The following UTP4 variants were observed in gnomAD, a reference collection of about 807,000 sequenced individuals.
UTP4 encodes the protein UTP4 small subunit processome component, also known as U3 small nucleolar RNA-associated protein 4 homolog.
In UTP4, 45 loss-of-function variants were observed where a neutral mutation model predicts 82.4. The observed-to-expected ratio is 0.55, with a 90% CI of 0.43 to 0.70. The LOEUF (loss-of-function observed/expected upper bound fraction) is 0.70, where lower values mean the gene tolerates loss of function less well. Ranked by LOEUF, UTP4 falls within the 30% of genes least tolerant of loss-of-function variation. UTP4 has a pLI of 0.00. For synonymous variants in UTP4, 348 were observed against 300.3 expected, an observed-to-expected ratio of 1.16 and a Z score of -1.64; for missense variants, 819 against 858.3, an observed-to-expected ratio of 0.95 and a Z score of 0.57.
At chr16:69,165,305 C>G (rs768674777) in intron 14 of UTP4, 36 bp from the exon 15 acceptor site, 5 of 1,594,248 alleles carry the variant, frequency 3.1e-6, no homozygotes, top group Non-Finnish European at 4.3e-6. Flanking sequence ...TTTCTGAGTA[C>G]CAGCCTGCAT....
chr16:69,140,746 G>A (rs1703801241), intron 5 of UTP4, among the ~76,000 whole-genome samples: 1 of 151,828 alleles, frequency 6.6e-6, no homozygotes, highest in African/African-American at 2.4e-5. Context: ...TCTCCTCGAG[G>A]CAACCACTTG....
At chr16:69,136,306 C>T (rs929009156) in intron 2 of UTP4, among the ~76,000 whole-genome samples, 2 of 152,228 alleles carry the variant, frequency 1.3e-5, no homozygotes, top group Non-Finnish European at 2.9e-5. Context: ...AGGCTCACTG[C>T]AGCCTCCGCC....
chr16:69,136,342 G>A (rs927295834), intron 2 of UTP4, among the ~76,000 whole-genome samples: 3 of 152,070 alleles, frequency 2.0e-5, no homozygotes, highest in Admixed American at 1.3e-4. Flanking sequence ...ATCCTCCCCC[G>A]TCAGCCTCCG....
At chr16:69,155,222 G>T (rs977782436) in intron 10 of UTP4, among the ~76,000 whole-genome samples, 2 of 152,108 alleles carry the variant, frequency 1.3e-5, no homozygotes, top group Non-Finnish European at 2.9e-5. Flanking sequence ...TATCCAGGCT[G>T]GAGAGCAGTG....
chr16:69,160,798 G>T (rs966523367), intron 13 of UTP4, among the ~76,000 whole-genome samples: 8 of 151,958 alleles, frequency 5.3e-5, no homozygotes, highest in Admixed American at 1.3e-4. Context: ...GTTTCACCGT[G>T]TTGCTCAGGC....
intron 5 of UTP4, among the ~76,000 whole-genome samples, chr16:69,141,673 A>C (rs950365634): frequency 1.3e-5 from 2 of 151,298 alleles, no homozygotes; most frequent in Non-Finnish European, 3.0e-5. Context: ...TTGTCTTTTT[A>C]CTATGCTTTC....
intron 12 of UTP4, among the ~76,000 whole-genome samples, chr16:69,159,894 G>A (rs1449741366): frequency 2.0e-5 from 3 of 151,604 alleles, no homozygotes; most frequent in Non-Finnish European, 2.9e-5. Flanking sequence ...AGGCTGAGGC[G>A]GGTGAATCAC....
intron 8 of UTP4, 35 bp downstream of exon 8, chr16:69,150,939 A>G (rs1354744950): frequency 6.8e-7 from 1 of 1,464,662 alleles, no homozygotes; most frequent in Non-Finnish European, 9.5e-7. Context: ...CTAACCCCTC[A>G]TCTCCCCATC....
chr16:69,144,728 C>A (rs1185811519), intron 6 of UTP4, among the ~76,000 whole-genome samples: 1 of 152,014 alleles, frequency 6.6e-6, no homozygotes, highest in African/African-American at 2.4e-5. Flanking sequence ...TATGTTAAGG[C>A]CCTGAAAAAC....
At chr16:69,151,456 G>A (rs1963266301) in intron 8 of UTP4, among the ~76,000 whole-genome samples, 1 of 151,804 alleles carries the variant, frequency 6.6e-6, no homozygotes, top group Non-Finnish European at 1.5e-5. Context: ...CGAGTGGCTG[G>A]GACTACAGGT....
chr16:69,143,302 G>A lies in UTP4; in HGVS notation c.651G>A (p.Lys217=), dbSNP rs147375559. The change falls in exon 6 of 17, where the codon AAG becomes AAA. Residue 217 remains lysine (K), a synonymous_variant. Transcript: ENST00000314423. ...GTIISVDSAG[K]VQFWDSATGT... ...TCATAAGTGTGGACTCTGCTGGGAA[G>A]GTGCAGTTCTGGGACTCAGCCACTG... 381 of 1,614,206 alleles carry A rather than the reference G, an allele frequency of 2.4e-4. No homozygotes were observed. Among genetic ancestry groups the A allele is most frequent in the Admixed American group, 1.0e-3 (62 of 60,024 alleles).
At chr16:69,147,014 AAAAAAATAC>A (rs1269677426) in intron 6 of UTP4, among the ~76,000 whole-genome samples, 1 of 147,938 alleles carries the variant, frequency 6.8e-6, no homozygotes, top group Non-Finnish European at 1.5e-5. Context: ...AAAAAAAAAA[AAAAAAATAC>A]AAAAATTAGC....
chr16:69,153,487 G>A (rs1190169824), intron 8 of UTP4, 97 bp from the exon 9 acceptor site: 4 of 810,064 alleles, frequency 4.9e-6, no homozygotes, highest in Non-Finnish European at 8.5e-6. Context: ...ATGGATTTCA[G>A]CAGTAAAAAA....
At chr16:69,134,047 A>G (rs1036799149) in intron 2 of UTP4, among the ~76,000 whole-genome samples, 10 of 152,164 alleles carry the variant, frequency 6.6e-5, no homozygotes, top group African/African-American at 2.4e-4. Context: ...ATGGATTCCA[A>G]AGTTCATCTG....
rs1474535438 is a variant in UTP4 at position 69,133,517 on chromosome 16, C to T, written c.58C>T (p.Arg20Cys). The change falls in exon 2 of 17, where the codon CGC becomes TGC. Residue 20 changes from arginine to cysteine, a missense_variant. Coordinates refer to ENST00000314423, the MANE Select transcript of UTP4 (RefSeq NM_032830.3). ...RFFNYVPSGI[R>C]CVAYNNQSNR... ...CTTTAATTATGTTCCATCAGGAATC[C>T]GCTGTGTGGCTTACAATAACCAGTC... 10 of 1,613,960 alleles carry T rather than the reference C, an allele frequency of 6.2e-6. No individual in the cohort carries two copies. Among genetic ancestry groups the T allele is most frequent in the South Asian group, 2.2e-5 (2 of 91,078 alleles).
At chr16:69,133,260 T>C (rs556276246) in intron 1 of UTP4, among the ~76,000 whole-genome samples, 198 bp from the exon 2 acceptor site, 1 of 152,206 alleles carries the variant, frequency 6.6e-6, no homozygotes, top group African/African-American at 2.4e-5. Flanking sequence ...TGAAGCCTCC[T>C]TATTATTCAA....
At chr16:69,134,737 C>CT (rs1176833986) in intron 2 of UTP4, among the ~76,000 whole-genome samples, 6 of 132,072 alleles carry the variant, frequency 4.5e-5, no homozygotes, top group African/African-American at 1.7e-4. Flanking sequence ...GAGTCTTGCT[C>CT]TGTCACCCAG....
chr16:69,150,809 C>G lies in UTP4; in HGVS notation c.911-4C>G. ...TCTGTACACCTTCTCCCCTGCTTTCCCAGGCACTGACACCCACTTAGTCTT... is the reference window on the plus strand; with the variant it reads ...TCTGTACACCTTCTCCCCTGCTTTCGCAGGCACTGACACCCACTTAGTCTT... On this transcript the variant is annotated splice_region_variant and splice_polypyrimidine_tract_variant and intron_variant, in intron 7 of 16. Coordinates refer to ENST00000314423, the MANE Select transcript of UTP4 (RefSeq NM_032830.3). The G allele has an allele frequency of 1.2e-6, 2 of 1,613,918 alleles. No homozygotes were observed. Among genetic ancestry groups the G allele is most frequent in the South Asian group, 2.2e-5 (2 of 91,082 alleles).
chr16:69,154,444 A>C lies in UTP4; in HGVS notation c.1151A>C (p.His384Pro), dbSNP rs777267915. ...PLSKNADHLL[H>P]LKTKGPENII... ...TCTAAAAATGCAGATCATTTACTGCACCTAAAGACAAAGGTAAGGAAGTTT... is the reference window on the plus strand; with the variant it reads ...TCTAAAAATGCAGATCATTTACTGCCCCTAAAGACAAAGGTAAGGAAGTTT... The change falls in exon 10 of 17, where the codon CAC (histidine) becomes CCC (proline). Residue 384 changes from histidine (H) to proline (P), a missense_variant. Transcript: ENST00000314423. 1 of 1,612,138 alleles carries C rather than the reference A, an allele frequency of 6.2e-7. No individual in the cohort carries two copies. The highest frequency in any genetic ancestry group is 1.7e-5 in the Admixed American group (1 of 60,000).
Sources: allele counts gnomAD v4.1 joint callset (sites outside exome capture counted in the v4.1 genomes callset), GRCh38; gene constraint gnomAD v4.1.1; transcripts MANE v1.5; gene names NCBI Gene and HGNC (gene_info 2026-07-23, HGNC 2026-07-21).